ISLR2: variants seen among roughly 807,000 people sequenced by gnomAD.
ISLR2 encodes the protein immunoglobulin superfamily containing leucine rich repeat 2, also known as immunoglobulin superfamily containing leucine-rich repeat protein 2.
A neutral mutation model predicts 25.5 loss-of-function variants in ISLR2; 16 were observed. The ratio of observed to expected loss-of-function variants is 0.63; its 90% CI spans 0.43 to 0.95. The LOEUF (loss-of-function observed/expected upper bound fraction) is 0.95. Among genes scored for constraint, ISLR2 ranks in the 40% least tolerant of loss-of-function variants. The pLI, the probability that ISLR2 is intolerant of heterozygous loss-of-function variation, is 0.00. For synonymous variants in ISLR2, 508 were observed against 486.6 expected (o/e 1.04, Z -0.58); for missense variants, 883 against 1,030.7 (o/e 0.86, Z 1.96).
chr15:74,136,291 G>T lies in ISLR2; in HGVS notation c.*1299G>T. 6.0e-6 allele frequency: 1 copy of T among 165,622 alleles called. No homozygotes were observed. The allele number at this position is 165,622 out of a possible 1,614,324, so 10.3% of individuals were successfully genotyped here. On this transcript the variant is annotated 3_prime_UTR_variant, in exon 3 of 3. Transcript: ENST00000453268. ...CTGGAAAGCGCCGGAGGCGGAGGAA[G>T]CTGACTGTGGCCTCCCGGGCCGCGG... is the stretch of plus-strand genomic sequence containing the variant.
intron 2 of ISLR2, among the ~76,000 whole-genome samples, chr15:74,120,786 G>A (rs1387451705): frequency 6.6e-6 from 1 of 152,114 alleles, no homozygotes; most frequent in Non-Finnish European, 1.5e-5. Flanking sequence ...TGTGAGGATT[G>A]AATGAGACAG....
In ISLR2 at chr15:74,132,801, T is replaced by G; in HGVS notation, c.47T>G (p.Val16Gly). Residue 16 changes from valine to glycine, a missense_variant, in exon 3 of 3, where the codon GTG becomes GGG. Physicochemically the swap from Val to Gly is moderately radical, Grantham distance 109. Transcript: ENST00000453268. The surrounding 1 kb of genome is among the most constrained non-coding windows in gnomAD (Gnocchi z 4.3). ...TGGTTGGTCTGGGCGCTTCTAGGAG[T>G]GGCCGGATCATGCCCGGAGCCGTGC... ...ALWLVWALLGVAGSCPEPCAC... is the reference protein window; with the variant it reads ...ALWLVWALLGGAGSCPEPCAC... 6.2e-7 allele frequency: 1 copy of G among 1,613,962 alleles called. No homozygotes were observed.
At chr15:74,106,276 G>A (rs2072118951) in intron 2 of ISLR2, among the ~76,000 whole-genome samples, 1 of 152,154 alleles carries the variant, frequency 6.6e-6, no homozygotes, top group East Asian at 1.9e-4. Context: ...GGACCAGGGG[G>A]CCCAGCCCTA....
intron 2 of ISLR2, among the ~76,000 whole-genome samples, chr15:74,111,591 T>TATTCATTC (rs71137377): frequency 2.5e-3 from 378 of 150,938 alleles, no homozygotes; most frequent in Middle Eastern, 0.014. Context: ...GCCAGGCCTC[T>TATTCATTC]ATTCATTCAT....
In ISLR2 at chr15:74,107,411, T is replaced by C. The variant is rs183019588; in HGVS notation, n.228+3497T>C. 3.1e-3 allele frequency among the ~76,000 whole-genome samples: 476 copies of C among 152,248 alleles called. 4 individuals carry two copies. Among genetic ancestry groups the C allele is most frequent in the African/African-American group, 0.011 (453 of 41,564 alleles). On this transcript the variant is annotated intron_variant and non_coding_transcript_variant, in intron 2 of 3. Coordinates refer to the ISLR2 transcript ENST00000561975. ...GGCCCAGTGTGGGTATGGCTGTCCA[T>C]TGGTCCTCTGAAGAGCCTCAGGGGC...
upstream of ISLR2, among the ~76,000 whole-genome samples, chr15:74,123,331 G>A (rs2072267915): frequency 6.6e-6 from 1 of 152,024 alleles, no homozygotes; most frequent in South Asian, 2.1e-4. Context: ...TCCCAAGGAG[G>A]GTGTCTTCCT....
intron 2 of ISLR2, among the ~76,000 whole-genome samples, chr15:74,118,643 G>GCTATTA (rs1197714504): frequency 8.8e-6 from 1 of 113,874 alleles, no homozygotes; most frequent in Non-Finnish European, 2.1e-5. Flanking sequence ...AAAATCTGAA[G>GCTATTA]CTATTATTAT....
At chr15:74,120,793 AC>A (rs752198362) in intron 2 of ISLR2, among the ~76,000 whole-genome samples, 1 of 152,166 alleles carries the variant, frequency 6.6e-6, no homozygotes, top group Non-Finnish European at 1.5e-5. Flanking sequence ...ATTGAATGAG[AC>A]AGCATATAGA....
upstream of ISLR2, chr15:74,127,681 T>C (rs2072316419): frequency 1.3e-5 from 2 of 152,526 alleles, no homozygotes; most frequent in African/African-American, 2.4e-5. Flanking sequence ...GACCCGCCTC[T>C]GCGCCCGGCA....
chr15:74,139,579 T>A (rs2072599656), downstream of ISLR2, among the ~76,000 whole-genome samples: 1 of 152,160 alleles, frequency 6.6e-6, no homozygotes, highest in South Asian at 2.1e-4. Context: ...CACTCCCCGC[T>A]TCCAGGGAAT....
At position 74,135,242 on chromosome 15, in the gene ISLR2, A is replaced by G. The variant is rs1326543664; in HGVS notation, c.*250A>G. 3.8e-6 allele frequency: 2 copies of G among 529,034 alleles called. No homozygotes were observed. The highest frequency in any genetic ancestry group is 2.7e-5 in the South Asian group (1 of 37,378). 32.8% of individuals were successfully genotyped at this position (529,034 alleles called of 1,614,324 possible). A position where few individuals can be genotyped will look rare whatever the true frequency, so the allele number is the denominator to read the frequency against. The stretch of plus-strand genomic sequence containing the variant: ...CCCCGCCAAGCACAGTGTTTATCTT[A>G]CCCCATGCAAGACTCCACCCGCAGA... On this transcript the variant is annotated 3_prime_UTR_variant, in exon 3 of 3. Coordinates refer to ENST00000453268, the MANE Select transcript of ISLR2 (RefSeq NM_020851.3).
chr15:74,105,057 A>G (rs1011402532), intron 2 of ISLR2, among the ~76,000 whole-genome samples: 1 of 18,370 alleles, frequency 5.4e-5, no homozygotes, highest in South Asian at 1.3e-3. Flanking sequence ...AAAGAATGAG[A>G]TGGATCTTTT....
At chr15:74,107,635 C>T (rs2072131567) in intron 2 of ISLR2, among the ~76,000 whole-genome samples, 1 of 152,214 alleles carries the variant, frequency 6.6e-6, no homozygotes, top group South Asian at 2.1e-4. Flanking sequence ...GAGGGAGCCA[C>T]CCTTCCCACC....
chr15:74,138,288 C>CTTTTTTT (rs34518777), downstream of ISLR2: 17 of 91,658 alleles, frequency 1.9e-4, no homozygotes, highest in Non-Finnish European at 2.6e-4. Context: ...TTTCTTTTCT[C>CTTTTTTT]TTTTTTTTTT....
chr15:74,124,926 G>A (rs192049202), upstream of ISLR2, among the ~76,000 whole-genome samples: 7 of 152,318 alleles, frequency 4.6e-5, no homozygotes, highest in South Asian at 2.1e-4. Context: ...TCACTGAGCC[G>A]CTGAATCAAC....
At chr15:74,128,625 C>T (rs1277361958), upstream of ISLR2, 1 of 456,532 alleles carries the variant, frequency 2.2e-6, no homozygotes, top group African/African-American at 2.0e-5. Flanking sequence ...TTCTGCCTCC[C>T]TGCGGAAGGC....
intron 2 of ISLR2, among the ~76,000 whole-genome samples, chr15:74,114,522 C>T (rs2141932223): frequency 6.6e-6 from 1 of 151,774 alleles, no homozygotes; most frequent in South Asian, 2.1e-4. Context: ...CTTTGGGAGG[C>T]TGAGGTGGGA....
Position 74,133,276 on chromosome 15 carries a change from A to G in ISLR2, c.522A>G (p.Ser174=). Residue 174 remains serine, a synonymous_variant, in exon 3 of 3, where the codon TCA becomes TCG. Transcript: ENST00000453268. The stretch of plus-strand genomic sequence containing the variant: ...CCTTCGACGCGCTTAGCGCGCTGTC[A>G]CACTTGCAACTCTATCACAATCCCT... The part of the protein sequence containing the change: ...PGTFDALSAL[S]HLQLYHNPFH... The G allele has an allele frequency of 6.2e-7, 1 of 1,611,316 alleles. No homozygotes were observed. Among genetic ancestry groups the G allele is most frequent in the Non-Finnish European group, 8.5e-7 (1 of 1,179,982 alleles).
chr15:74,118,313 G>A (rs1031876793), intron 2 of ISLR2, among the ~76,000 whole-genome samples: 12 of 151,994 alleles, frequency 7.9e-5, no homozygotes, highest in Non-Finnish European at 1.5e-4. Context: ...GCTTCACAAG[G>A]TAATAGAATA....
Sources: gnomAD v4.1 joint callset for allele counts (sites outside exome capture counted in the v4.1 genomes callset) on GRCh38, gnomAD v4.1.1 for gene constraint, Gnocchi (gnomAD v3.1) non-coding constraint, MANE v1.5 for transcripts, NCBI Gene and HGNC (gene_info 2026-07-23, HGNC 2026-07-21) for gene names.